Variants in HECW2 observed in about 807,000 individuals in gnomAD.
HECW2 encodes the protein E3 ubiquitin-protein ligase HECW2.
Under a neutral mutation model 175.2 loss-of-function variants are expected in HECW2, and 61 were observed. That is an observed-to-expected ratio of 0.35 (90% confidence interval 0.28 to 0.43). HECW2 has a LOEUF of 0.43. Ranked by LOEUF, HECW2 falls within the 20% of genes least tolerant of loss-of-function variation. The pLI is 1.00. For missense variants in HECW2, 1,524 were observed against 2,000.5 expected (o/e 0.76, Z 4.54); for synonymous variants, 671 against 731.0 (o/e 0.92, Z 1.32).
At chr2:196,381,397 T>G (rs571022189) in intron 2 of HECW2, among the ~76,000 whole-genome samples, 1 of 152,310 alleles carries the variant, frequency 6.6e-6, no homozygotes, top group African/African-American at 2.4e-5. Flanking sequence ...GTTAATAAGT[T>G]GTAAATCAGT....
At chr2:196,224,817 G>A (rs1257749221) in intron 23 of HECW2, among the ~76,000 whole-genome samples, 1 of 152,112 alleles carries the variant, frequency 6.6e-6, no homozygotes, top group African/African-American at 2.4e-5. Flanking sequence ...GCAATGAAAT[G>A]GGAAGATGCA....
At chr2:196,203,449 G>A (rs1033709273) in intron 28 of HECW2, among the ~76,000 whole-genome samples, 2 of 152,156 alleles carry the variant, frequency 1.3e-5, no homozygotes, top group Non-Finnish European at 2.9e-5. Flanking sequence ...TCCAGGGGTA[G>A]GGGAGGAAGA....
Position 196,319,333 on chromosome 2 carries a change from G to A in HECW2, c.1557C>T (p.Ser519=). Residue 519 remains serine, a synonymous_variant, in exon 9 of 29, where the codon TCC becomes TCT. Coordinates refer to ENST00000644978, the MANE Select transcript of HECW2 (RefSeq NM_001348768.2). ...EDNPVENEEA[S]THEAASFEDK... is the part of the protein sequence containing the mutation. Reference sequence around the variant, plus strand: ...CCTCAAAGGAAGCAGCTTCGTGTGTGGAGGCTTCCTCATTCTCAACAGGGT... The same window carrying A: ...CCTCAAAGGAAGCAGCTTCGTGTGTAGAGGCTTCCTCATTCTCAACAGGGT... The A allele has an allele frequency of 6.2e-7, 1 of 1,614,136 alleles. No homozygotes were observed. The highest frequency in any genetic ancestry group is 8.5e-7 in the Non-Finnish European group (1 of 1,180,018).
intron 1 of HECW2, among the ~76,000 whole-genome samples, chr2:196,438,014 T>C (rs1695932972): frequency 6.6e-6 from 1 of 152,172 alleles, no homozygotes; most frequent in Admixed American, 6.5e-5. Context: ...GTTGGGTTTG[T>C]TTGCTTTCAC....
chr2:196,397,620 A>G (rs1439995547), intron 2 of HECW2, among the ~76,000 whole-genome samples: 1 of 152,220 alleles, frequency 6.6e-6, no homozygotes, highest in Non-Finnish European at 1.5e-5. Context: ...TAGTGACAGA[A>G]TCCCCTTTAG....
At chr2:196,378,892 G>A (rs1051916332) in intron 2 of HECW2, among the ~76,000 whole-genome samples, 11 of 152,130 alleles carry the variant, frequency 7.2e-5, no homozygotes, top group African/African-American at 1.9e-4. Flanking sequence ...TTAGCATCAC[G>A]AAGAATGGGG....
At chr2:196,533,571 T>C (rs1300613770) in intron 1 of HECW2, among the ~76,000 whole-genome samples, 1 of 152,214 alleles carries the variant, frequency 6.6e-6, no homozygotes, top group Non-Finnish European at 1.5e-5. Flanking sequence ...CTTCTATTCC[T>C]TAATCTCAGC....
chr2:196,561,117 C>A (rs140927103), intron 1 of HECW2, among the ~76,000 whole-genome samples: 1,912 of 152,286 alleles, frequency 0.013, 40 homozygotes, highest in African/African-American at 0.044. Flanking sequence ...AGAGAAATAT[C>A]GCTGAATTCT....
rs900605872 is a variant in HECW2, at chr2:196,417,563, C to T, written c.292+15569G>A. Among the ~76,000 whole-genome samples, 4 of 152,164 alleles carry T rather than the reference C, an allele frequency of 2.6e-5. No individual in the cohort carries two copies. The East Asian group carries it at 7.7e-4, about 29-fold the overall frequency. ...CCGAGTAACTGGTACTACTGGCAAA[C>T]AATGCTGATTTTTCAAAAGAATTTT... On this transcript the variant is annotated intron_variant, in intron 2 of 28. Transcript: ENST00000644978.
intron 1 of HECW2, among the ~76,000 whole-genome samples, chr2:196,457,882 A>G (rs546734458): frequency 2.4e-4 from 36 of 152,348 alleles, no homozygotes; most frequent in African/African-American, 7.5e-4. Context: ...CAAATATGCC[A>G]AAGTATTTAT....
chr2:196,523,328 A>G (rs1446951302), intron 1 of HECW2, among the ~76,000 whole-genome samples: 6 of 151,368 alleles, frequency 4.0e-5, no homozygotes, highest in Non-Finnish European at 3.0e-5. Context: ...TTGATTTTGT[A>G]TCCTGAGACT....
At chr2:196,202,899 G>A (rs1686916937) in intron 28 of HECW2, among the ~76,000 whole-genome samples, 1 of 152,196 alleles carries the variant, frequency 6.6e-6, no homozygotes, top group Admixed American at 6.5e-5. Flanking sequence ...TGGGACCCAA[G>A]TCTAAACATG....
intron 1 of HECW2, among the ~76,000 whole-genome samples, chr2:196,489,054 G>C (rs1687102291): frequency 6.6e-6 from 1 of 152,160 alleles, no homozygotes; most frequent in South Asian, 2.1e-4. Context: ...AACACGAATA[G>C]AGTTAGTTAC....
chr2:196,298,515 T>C (rs1412934749), intron 13 of HECW2, among the ~76,000 whole-genome samples: 3 of 152,248 alleles, frequency 2.0e-5, no homozygotes, highest in Non-Finnish European at 4.4e-5. Context: ...TTTTTTCTTA[T>C]ACTTTAAGTT....
At chr2:196,249,903 G>T (rs754602947) in intron 19 of HECW2, among the ~76,000 whole-genome samples, 4 of 152,168 alleles carry the variant, frequency 2.6e-5, no homozygotes, top group Non-Finnish European at 4.4e-5. Context: ...GGGTTACACA[G>T]GTCTTTGGAA....
intron 3 of HECW2, among the ~76,000 whole-genome samples, chr2:196,338,572 A>G (rs961751020): frequency 1.3e-5 from 2 of 152,206 alleles, no homozygotes; most frequent in Non-Finnish European, 2.9e-5. Flanking sequence ...CCTGCAAGAA[A>G]TGGTTTTGCC....
At position 196,253,983 on chromosome 2, in the gene HECW2, G is replaced by C; in HGVS notation, c.3466C>G (p.Leu1156Val). 1 of 1,614,056 alleles carries C rather than the reference G, an allele frequency of 6.2e-7. No homozygotes were observed. Among genetic ancestry groups the C allele is most frequent in the South Asian group, 1.1e-5 (1 of 91,084 alleles). ...GGGGACTGACAGTAGCTGGGGTGGA[G>C]TAAGGCATGTGGAGGCACATACGAC... Reference protein sequence around the residue: ...IMSYVPPHALLHPSYCQSPRG... With the variant: ...IMSYVPPHALVHPSYCQSPRG... Residue 1156 changes from leucine (L) to valine (V), a missense_variant, in exon 19 of 29, where the codon CTC (leucine) becomes GTC (valine). Leu to Val is a conservative substitution (Grantham distance 32). Around this residue, in one of 11 missense-constraint regions of HECW2, gnomAD observed 291 missense variants for 412.2 expected, o/e 0.71. Transcript: ENST00000644978.
chr2:196,306,785 G>C (rs1264315165), intron 12 of HECW2, among the ~76,000 whole-genome samples, 173 bp from the exon 13 acceptor site: 1 of 152,082 alleles, frequency 6.6e-6, no homozygotes, highest in Non-Finnish European at 1.5e-5. Context: ...AAACATGGCT[G>C]TTCTTAATTA....
At position 196,194,701 on chromosome 2, in the gene HECW2, A is replaced by G. The variant is rs1319220423; in HGVS notation, c.*6576T>C. 6.6e-6 allele frequency: 1 copy of G among 152,228 alleles called. No individual in the cohort carries two copies. The highest frequency in any genetic ancestry group is 1.5e-5 in the Non-Finnish European group (1 of 68,030). 9.4% of individuals were successfully genotyped at this position (152,228 alleles called of 1,614,324 possible). On this transcript the variant is annotated 3_prime_UTR_variant, in exon 29 of 29. Transcript: ENST00000644978. ...ACATATAAGGTGAAGTGAGAGCTGT[A>G]TAACCTTAATGCTAACAGCAAGCAT...
Sources: allele counts gnomAD v4.1 joint callset (sites outside exome capture counted in the v4.1 genomes callset), GRCh38; gene constraint gnomAD v4.1.1; regional missense constraint gnomAD v4.1.1; transcripts MANE v1.5; gene names NCBI Gene and HGNC (gene_info 2026-07-23, HGNC 2026-07-21).